SNX27: variants seen among roughly 807,000 people sequenced by gnomAD.
The protein encoded by SNX27 is sorting nexin 27, also known as sorting nexin-27.
Under a neutral mutation model 71.6 loss-of-function variants are expected in SNX27, and 22 were observed. That is an observed-to-expected ratio of 0.31 (90% CI 0.22 to 0.44). The LOEUF (loss-of-function observed/expected upper bound fraction) is 0.44, where lower values mean the gene tolerates loss of function less well. Among genes scored for constraint, SNX27 ranks in the 20% least tolerant of loss-of-function variants. SNX27 has a pLI of 1.00. For missense variants in SNX27, 531 were observed against 698.6 expected, an observed-to-expected ratio of 0.76 and a Z score of 2.70; for synonymous variants, 269 against 277.2, an observed-to-expected ratio of 0.97 and a Z score of 0.29.
intron 2 of SNX27, among the ~76,000 whole-genome samples, chr1:151,657,949 C>T (rs951002268): frequency 6.6e-6 from 1 of 151,934 alleles, no homozygotes; most frequent in Non-Finnish European, 1.5e-5. Flanking sequence ...TACAATGAGC[C>T]GAGATCATGC....
chr1:151,688,460 C>T (rs1240042387), intron 8 of SNX27, among the ~76,000 whole-genome samples: 2 of 152,004 alleles, frequency 1.3e-5, no homozygotes, highest in Admixed American at 6.6e-5. Flanking sequence ...GGTGAAACCC[C>T]GTCTCTACTA....
chr1:151,669,638 C>T (rs1670371292), intron 7 of SNX27, among the ~76,000 whole-genome samples: 1 of 152,232 alleles, frequency 6.6e-6, no homozygotes, highest in Non-Finnish European at 1.5e-5. Context: ...CTACCACCAT[C>T]TCCTGTTTCC....
intron 8 of SNX27, among the ~76,000 whole-genome samples, chr1:151,689,133 A>G (rs1431247422): frequency 6.6e-6 from 1 of 152,192 alleles, no homozygotes; most frequent in Non-Finnish European, 1.5e-5. Context: ...GGCATGTATT[A>G]TGTGCCTGAC....
intron 2 of SNX27, among the ~76,000 whole-genome samples, chr1:151,657,293 C>G: frequency 6.6e-6 from 1 of 152,044 alleles, no homozygotes; most frequent in East Asian, 1.9e-4. Flanking sequence ...CCCACCTTAG[C>G]CTCCTGGGAC....
chr1:151,651,122 C>T (rs2102658281), intron 2 of SNX27, among the ~76,000 whole-genome samples: 1 of 152,126 alleles, frequency 6.6e-6, no homozygotes, highest in Non-Finnish European at 1.5e-5. Context: ...TTGGGCACAC[C>T]TCCCAGACGG....
At chr1:151,662,964 G>T (rs566618774) in intron 5 of SNX27, among the ~76,000 whole-genome samples, 1 of 151,936 alleles carries the variant, frequency 6.6e-6, no homozygotes, top group South Asian at 2.1e-4. Context: ...TATCGGACCT[G>T]TGTGTACTTC....
chr1:151,668,655 TG>T lies in SNX27; in HGVS notation c.1149+21del. The T allele has an allele frequency of 6.2e-7, 1 of 1,603,884 alleles. No individual in the cohort carries two copies. Among genetic ancestry groups the T allele is most frequent in the Non-Finnish European group, 8.5e-7 (1 of 1,175,974 alleles). ...CATCAGGTAGGTGAATTGATCTTCT[TG>T]AAAGGCACAATTTCTTTTTATGTTT... On this transcript the variant is annotated intron_variant, in intron 7 of 11. Transcript: ENST00000458013.
rs192645994 is a variant in SNX27, at chr1:151,688,275, G to A, written c.1240-4160G>A. Among the ~76,000 whole-genome samples, 103 of 152,268 alleles carry A rather than the reference G, an allele frequency of 6.8e-4. 1 individual carries two copies. The highest frequency in any genetic ancestry group is 2.4e-3 in the African/African-American group (99 of 41,552). On this transcript the variant is annotated intron_variant, in intron 8 of 11. Coordinates refer to ENST00000458013, the MANE Select transcript of SNX27 (RefSeq NM_001330723.2). ...TGGGAAGTCCCTGAAAGGAGAATGG[G>A]CAGGATGATTTGGTGTTTTAAATAC...
rs188575327 is a variant in SNX27 at position 151,621,653 on chromosome 1, A to G, written c.311+9141A>G. Among the ~76,000 whole-genome samples, 169 of 152,368 alleles carry G rather than the reference A, an allele frequency of 1.1e-3. 4 individuals carry two copies. Among genetic ancestry groups the G allele is most frequent in the Middle Eastern group, 0.01 (3 of 294 alleles). On this transcript the variant is annotated intron_variant, in intron 1 of 11. Transcript: ENST00000458013. ...GCTGATTACTCTTAAAGAACTTTCA[A>G]TAAGATTATTAACTAGGAAGGTTGT...
chr1:151,664,524 G>T (rs1670108373), intron 5 of SNX27, among the ~76,000 whole-genome samples: 1 of 151,994 alleles, frequency 6.6e-6, no homozygotes, highest in African/African-American at 2.4e-5. Context: ...ACTGTATTTA[G>T]AGATCATGAT....
intron 7 of SNX27, among the ~76,000 whole-genome samples, chr1:151,674,981 C>T (rs1320119506): frequency 7.2e-5 from 11 of 152,102 alleles, no homozygotes; most frequent in South Asian, 2.1e-4. Flanking sequence ...CCACCGCGCC[C>T]GGCACTGATT....
intron 2 of SNX27, among the ~76,000 whole-genome samples, chr1:151,649,271 T>A (rs935023020): frequency 1.8e-4 from 27 of 152,064 alleles, no homozygotes; most frequent in Non-Finnish European, 1.2e-4. Context: ...ATTTTTTAAA[T>A]TTTTATTTAT....
chr1:151,664,678 TC>T (rs1337627228), intron 5 of SNX27, among the ~76,000 whole-genome samples: 2 of 152,120 alleles, frequency 1.3e-5, no homozygotes, highest in African/African-American at 4.8e-5. Flanking sequence ...AAAAAACCTA[TC>T]CCCCATACAT....
chr1:151,693,731 T>C, intron 11 of SNX27: 2 of 1,589,560 alleles, frequency 1.3e-6, no homozygotes. Context: ...CTACAGGCTC[T>C]TCCATCTCTC....
rs571268932 is a variant in SNX27, at chr1:151,612,275, G to C, written c.74G>C (p.Gly25Ala). The C allele has an allele frequency of 6.7e-7, 1 of 1,481,760 alleles. No individual in the cohort carries two copies. The allele number at this position is 1,481,760 out of a possible 1,614,324, so 91.8% of individuals were successfully genotyped here. Residue 25 changes from glycine to alanine, a missense_variant, in exon 1 of 12, where the codon GGG (glycine) becomes GCG (alanine). Gly to Ala is a moderately conservative substitution (Grantham distance 60). Transcript: ENST00000458013. The surrounding 1 kb of genome is among the most constrained non-coding windows in gnomAD (Gnocchi z 5.2). Reference protein sequence around the residue: ...HRNGGGGGGGGSGLHCAGNGG... With the variant: ...HRNGGGGGGGASGLHCAGNGG... ...AACGGAGGTGGCGGCGGCGGCGGGG[G>C]GTCTGGGCTCCACTGCGCCGGGAAC...
chr1:151,641,805 G>T (rs1668773899), intron 2 of SNX27, among the ~76,000 whole-genome samples: 1 of 135,726 alleles, frequency 7.4e-6, no homozygotes, highest in Non-Finnish European at 1.5e-5. Context: ...ATAAGATATA[G>T]ATATATATGA....
chr1:151,662,636 C>G (rs1670011475), intron 5 of SNX27: 1 of 157,614 alleles, frequency 6.3e-6, no homozygotes, highest in African/African-American at 2.4e-5. Flanking sequence ...GTGCCCGCCA[C>G]CACACCCAGC....
chr1:151,678,018 C>T (rs951881212), intron 7 of SNX27: 2 of 151,988 alleles, frequency 1.3e-5, no homozygotes, highest in Non-Finnish European at 2.9e-5. Flanking sequence ...TGTTGTGTAA[C>T]AGATCTCCAG....
rs976044371 is a variant in SNX27 at position 151,674,779 on chromosome 1, C to T, written c.1149+6144C>T. ...TTGGCTCACTGCAACCTCTGCCTCC[C>T]GGGTTCAAGCAATTCTCCTGCCTCA... On this transcript the variant is annotated intron_variant, in intron 7 of 11. Coordinates refer to ENST00000458013, the MANE Select transcript of SNX27 (RefSeq NM_001330723.2). 5.9e-5 allele frequency among the ~76,000 whole-genome samples: 9 copies of T among 152,040 alleles called. No individual in the cohort carries two copies. In the East Asian group the frequency reaches 9.7e-4, roughly 16 times the overall value.
Sources: allele counts gnomAD v4.1 joint callset (sites outside exome capture counted in the v4.1 genomes callset), GRCh38; gene constraint gnomAD v4.1.1; non-coding constraint Gnocchi (gnomAD v3.1); transcripts MANE v1.5; gene names NCBI Gene and HGNC (gene_info 2026-07-23, HGNC 2026-07-21).